The following CSGALNACT1 variants were observed in gnomAD, a reference collection of about 807,000 sequenced individuals.
The protein encoded by CSGALNACT1 is chondroitin sulfate N-acetylgalactosaminyltransferase 1.
In CSGALNACT1, 52 loss-of-function variants were observed where a neutral mutation model predicts 51.0. The ratio of observed to expected loss-of-function variants is 1.02; its 90% CI spans 0.82 to 1.29. The LOEUF is 1.29. Among genes scored for constraint, CSGALNACT1 ranks in the 50% most tolerant of loss-of-function variants. The pLI is 0.00. For missense variants in CSGALNACT1, 935 were observed against 679.2 expected (o/e 1.38, Z -4.19); for synonymous variants, 341 against 254.4 (o/e 1.34, Z -3.24).
chr8:19,656,056 G>A (rs577822752), intron 1 of CSGALNACT1, among the ~76,000 whole-genome samples: 41 of 152,268 alleles, frequency 2.7e-4, no homozygotes, highest in African/African-American at 9.6e-4. Flanking sequence ...TACATCACAA[G>A]CCTAGGTGAG....
chr8:19,425,186 T>C (rs923753906), intron 6 of CSGALNACT1, among the ~76,000 whole-genome samples: 2 of 152,002 alleles, frequency 1.3e-5, no homozygotes, highest in African/African-American at 2.4e-5. Context: ...CTATTAAAAA[T>C]ACAGAATTAG....
At chr8:19,748,360 C>T (rs2064812770) in intron 1 of CSGALNACT1, among the ~76,000 whole-genome samples, 1 of 152,086 alleles carries the variant, frequency 6.6e-6, no homozygotes, top group Non-Finnish European at 1.5e-5. Flanking sequence ...GCGACAGGTA[C>T]ACAGTAGGTA....
upstream of CSGALNACT1, among the ~76,000 whole-genome samples, chr8:19,685,507 GAAAT>G (rs869083712): frequency 4.2e-3 from 632 of 152,180 alleles, 4 homozygotes; most frequent in African/African-American, 0.015. Flanking sequence ...AAGAAACAAA[GAAAT>G]AAAACAAGAA....
chr8:19,446,877 A>G (rs1172567060), intron 5 of CSGALNACT1, among the ~76,000 whole-genome samples: 1 of 152,162 alleles, frequency 6.6e-6, no homozygotes, highest in East Asian at 1.9e-4. Flanking sequence ...AACAACAACA[A>G]AAATAAACCC....
chr8:19,563,967 A>C (rs2041367254), intron 3 of CSGALNACT1, among the ~76,000 whole-genome samples: 1 of 151,910 alleles, frequency 6.6e-6, no homozygotes, highest in Non-Finnish European at 1.5e-5. Context: ...CTGAAGCTGG[A>C]CGTTCTGTCT....
At chr8:19,662,049 A>C (rs2058781825) in intron 1 of CSGALNACT1, among the ~76,000 whole-genome samples, 2 of 94,182 alleles carry the variant, frequency 2.1e-5, no homozygotes, top group African/African-American at 7.8e-5. Context: ...CTTTCCCACT[A>C]TTACAGTTGC....
intron 3 of CSGALNACT1, among the ~76,000 whole-genome samples, chr8:19,566,678 T>G (rs1036695363): frequency 6.6e-6 from 1 of 152,234 alleles, no homozygotes; most frequent in African/African-American, 2.4e-5. Flanking sequence ...AGGTGCTCCA[T>G]TCTTGTTAGG....
chr8:19,756,223 G>C (rs2065363702), intron 1 of CSGALNACT1, among the ~76,000 whole-genome samples: 1 of 151,180 alleles, frequency 6.6e-6, no homozygotes, highest in Non-Finnish European at 1.5e-5. Context: ...TAAATTTCCA[G>C]TTTAAAAAAA....
intron 3 of CSGALNACT1, among the ~76,000 whole-genome samples, chr8:19,571,140 T>C (rs1453981937): frequency 1.3e-5 from 2 of 152,102 alleles, no homozygotes; most frequent in Admixed American, 1.3e-4. Context: ...CTAGCTATTT[T>C]TGTATTTTTT....
intron 1 of CSGALNACT1, among the ~76,000 whole-genome samples, chr8:19,676,390 C>G (rs1399041519): frequency 1.3e-5 from 2 of 152,226 alleles, no homozygotes; most frequent in East Asian, 3.9e-4. Flanking sequence ...AAAAAAGAAC[C>G]CAGTGGAAAT....
intron 1 of CSGALNACT1, among the ~76,000 whole-genome samples, chr8:19,681,209 C>T (rs1340283402): frequency 6.6e-6 from 1 of 152,098 alleles, no homozygotes; most frequent in African/African-American, 2.4e-5. Context: ...CTGCCCCTGC[C>T]AAGCCACCAA....
intron 1 of CSGALNACT1, among the ~76,000 whole-genome samples, chr8:19,709,064 GTTA>G (rs1196081154): frequency 1.3e-5 from 2 of 152,028 alleles, no homozygotes; most frequent in Admixed American, 6.6e-5. Flanking sequence ...TATTTTTATG[GTTA>G]TTATTATTAT....
chr8:19,485,659 C>A (rs1016102714), intron 4 of CSGALNACT1, among the ~76,000 whole-genome samples: 8 of 151,594 alleles, frequency 5.3e-5, no homozygotes, highest in Admixed American at 5.3e-4. Context: ...CCAGAGACAT[C>A]TGCTTCCTCC....
chr8:19,585,695 C>G (rs1025485607), intron 3 of CSGALNACT1, among the ~76,000 whole-genome samples: 11 of 152,142 alleles, frequency 7.2e-5, no homozygotes, highest in Non-Finnish European at 1.6e-4. Flanking sequence ...AATGGAGATT[C>G]TAGAAGGTGT....
chr8:19,484,898 G>C (rs1563666288), intron 4 of CSGALNACT1, among the ~76,000 whole-genome samples: 2 of 152,130 alleles, frequency 1.3e-5, no homozygotes, highest in South Asian at 4.1e-4. Flanking sequence ...CACAAAGGAA[G>C]AGTCATTTTT....
At chr8:19,667,016 A>AAAGGAAGGAAGGAAGGAAGG (rs71205941) in intron 1 of CSGALNACT1, among the ~76,000 whole-genome samples, 19 of 43,474 alleles carry the variant, frequency 4.4e-4, no homozygotes, top group Admixed American at 9.5e-4. Flanking sequence ...AGAAAGAAAG[A>AAAGGAAGGAAGGAAGGAAGG]AAGGAAGGAA....
exon 10 of CSGALNACT1, chr8:19,405,081 G>T (rs973889366): frequency 2.2e-6 from 1 of 453,716 alleles, no homozygotes; most frequent in African/African-American, 2.0e-5. Context: ...AGGCCAACTT[G>T]TGCTCTCTTG....
chr8:19,592,425 A>G (rs754001285), intron 2 of CSGALNACT1, among the ~76,000 whole-genome samples: 1 of 152,226 alleles, frequency 6.6e-6, no homozygotes. Context: ...ACGTATATAC[A>G]TGAGGGGGAA....
At chr8:19,457,579 C>T (rs888277828) in intron 5 of CSGALNACT1, 59 of 968,878 alleles carry the variant, frequency 6.1e-5, no homozygotes, top group Admixed American at 2.1e-4. Flanking sequence ...TGCCACTGCA[C>T]TCCAGCCTGG....
Sources: allele counts gnomAD v4.1 joint callset (sites outside exome capture counted in the v4.1 genomes callset), GRCh38; gene constraint gnomAD v4.1.1; transcripts MANE v1.5; gene names NCBI Gene and HGNC (gene_info 2026-07-23, HGNC 2026-07-21).